VPS11: variants seen among roughly 807,000 people sequenced by gnomAD.
VPS11 encodes vacuolar protein sorting-associated protein 11 homolog.
A neutral mutation model predicts 106.8 loss-of-function variants in VPS11; 51 were observed. That is an observed-to-expected ratio of 0.48 (90% CI 0.38 to 0.60). VPS11 has a LOEUF of 0.60. Among genes scored for constraint, VPS11 ranks in the 20% least tolerant of loss-of-function variants. VPS11 has a pLI of 0.00. For missense variants in VPS11, 950 were observed against 1,190.0 expected, an observed-to-expected ratio of 0.80 and a Z score of 2.97; for synonymous variants, 453 against 458.7, an observed-to-expected ratio of 0.99 and a Z score of 0.16.
chr11:119,076,803 T>C, intron 7 of VPS11, 94 bp from the exon 8 acceptor site: 1 of 1,420,228 alleles, frequency 7.0e-7, no homozygotes, highest in Non-Finnish European at 9.7e-7. Context: ...TGAAATAGAA[T>C]TTGCATTTTG....
chr11:119,071,502 A>G, intron 4 of VPS11, 94 bp from the exon 5 acceptor site: 3 of 1,493,944 alleles, frequency 2.0e-6, no homozygotes, highest in East Asian at 2.3e-5. Context: ...GCCAAGAGGG[A>G]AAAAAGAGCC....
At position 119,078,156 on chromosome 11, in the gene VPS11, C is replaced by T. The variant is rs1945704237; in HGVS notation, c.1762-17C>T. The T allele has an allele frequency of 1.2e-6, 2 of 1,611,952 alleles. No homozygotes were observed. The highest frequency in any genetic ancestry group is 1.1e-5 in the South Asian group (1 of 91,078). ...GCCCACTCATTCAGCCTCCTTTTTC[C>T]TCTCTTGCCATCCTAGGCCAACTCT... On this transcript the variant is annotated splice_polypyrimidine_tract_variant and intron_variant, in intron 10 of 15. Coordinates refer to ENST00000621676, the MANE Select transcript of VPS11 (RefSeq NM_021729.6).
intron 8 of VPS11, 58 bp from the exon 9 acceptor site, chr11:119,077,443 C>A: frequency 1.3e-6 from 2 of 1,572,908 alleles, no homozygotes; most frequent in Admixed American, 1.8e-5. Flanking sequence ...GTGCCTGTTT[C>A]CTCTCCCTTC....
chr11:119,069,909 A>G (rs1945304320), intron 3 of VPS11, among the ~76,000 whole-genome samples: 2 of 152,062 alleles, frequency 1.3e-5, no homozygotes, highest in South Asian at 2.1e-4. Context: ...GCGGCAGGAA[A>G]ATCACTTGAA....
intron 3 of VPS11, among the ~76,000 whole-genome samples, chr11:119,069,927 G>A (rs916501350): frequency 6.6e-6 from 1 of 151,842 alleles, no homozygotes; most frequent in East Asian, 1.9e-4. Flanking sequence ...GAACCTGGGA[G>A]GCGGAGTTTG....
intron 1 of VPS11, 192 bp downstream of exon 1, chr11:119,068,202 G>A: frequency 1.7e-6 from 1 of 578,042 alleles, no homozygotes; most frequent in Non-Finnish European, 2.8e-6. Context: ...AGCAATCCTG[G>A]GCAAGTCATT....
Position 119,076,912 on chromosome 11 carries a change from G to A in VPS11, c.1254G>A (p.Leu418=). The part of the protein sequence containing the change: ...VQQYIRTIGK[L]EPSYVIRKFL... ...GTCTCCCTAGAACCATTGGAAAGTT[G>A]GAGCCATCCTACGTGATCCGCAAGT... Residue 418 remains leucine, a synonymous_variant, in exon 8 of 16, where the codon TTG becomes TTA. Transcript: ENST00000621676. 6.2e-7 allele frequency: 1 copy of A among 1,613,978 alleles called. No homozygotes were observed. Among genetic ancestry groups the A allele is most frequent in the East Asian group, 2.2e-5 (1 of 44,882 alleles).
At chr11:119,069,369 A>G in intron 2 of VPS11, 25 bp downstream of exon 2, 1 of 1,613,912 alleles carries the variant, frequency 6.2e-7, no homozygotes, top group East Asian at 2.2e-5. Flanking sequence ...GGAAATGGGA[A>G]AGATCCAGAA....
At position 119,071,713 on chromosome 11, in the gene VPS11, G is replaced by T. The variant is rs781789767; in HGVS notation, c.754G>T (p.Asp252Tyr). Residue 252 changes from aspartate to tyrosine, a missense_variant, in exon 5 of 16, where the codon GAT becomes TAT. This residue lies in a region of VPS11 where 435 missense variants were observed against 630.2 expected (regional missense o/e 0.69). Transcript: ENST00000621676. ...GGACCTGCAGTTCATTGTGGCCGGG[G>T]ATGAGTGTGTCTACTTGTACCAGCC... Reference protein sequence around the residue: ...SQDLQFIVAGDECVYLYQPDE... With the variant: ...SQDLQFIVAGYECVYLYQPDE... 11 of 1,613,904 alleles carry T rather than the reference G, an allele frequency of 6.8e-6. No individual in the cohort carries two copies. The highest frequency in any genetic ancestry group is 9.3e-6 in the Non-Finnish European group (11 of 1,179,898).
chr11:119,068,443 CCTTTTTTTTTTT>C (rs1945211274), intron 1 of VPS11, among the ~76,000 whole-genome samples: 2 of 35,810 alleles, frequency 5.6e-5, no homozygotes, highest in South Asian at 1.5e-3. Flanking sequence ...GGCCTTTTTA[CCTTTTTTTTTTT>C]TTTTTTTTTT....
intron 6 of VPS11, 197 bp from the exon 7 acceptor site, chr11:119,073,603 G>A: frequency 1.1e-6 from 1 of 870,848 alleles, no homozygotes; most frequent in Non-Finnish European, 1.7e-6. Flanking sequence ...CCCACTCTAA[G>A]GGTTCACTTT....
intron 14 of VPS11, among the ~76,000 whole-genome samples, chr11:119,080,026 A>G (rs1229999374): frequency 2.6e-5 from 4 of 152,306 alleles, no homozygotes; most frequent in South Asian, 4.1e-4. Flanking sequence ...TATGTTGTAG[A>G]AGAGACAGAC....
Position 119,072,657 on chromosome 11 carries a change from T to C in VPS11, c.885-541T>C, listed in dbSNP as rs555629163. On this transcript the variant is annotated intron_variant, in intron 5 of 15. Coordinates refer to ENST00000621676, the MANE Select transcript of VPS11 (RefSeq NM_021729.6). ...TGCCTGCCTCGTCCTCCCAAAGTGC[T>C]GGGATTACAGGCGTGAGCCACTGCG... The C allele has an allele frequency of 1.0e-3, 164 of 156,316 alleles. 2 individuals carry two copies. Among genetic ancestry groups the C allele is most frequent in the South Asian group, 6.0e-3 (31 of 5,204 alleles). The allele number at this position is 156,316 out of a possible 1,614,324, so 9.7% of individuals were successfully genotyped here.
intron 13 of VPS11, 62 bp from the exon 14 acceptor site, chr11:119,079,067 C>G: frequency 1.9e-6 from 3 of 1,612,158 alleles, no homozygotes; most frequent in Non-Finnish European, 2.5e-6. Context: ...GGCCCTTCAC[C>G]TTTATCCAGA....
Position 119,078,350 on chromosome 11 carries a change from G to A in VPS11, c.1923+16G>A. 6.2e-7 allele frequency: 1 copy of A among 1,605,896 alleles called. No individual in the cohort carries two copies. The highest frequency in any genetic ancestry group is 8.5e-7 in the Non-Finnish European group (1 of 1,179,258). On this transcript the variant is annotated intron_variant, in intron 11 of 15. Coordinates refer to ENST00000621676, the MANE Select transcript of VPS11 (RefSeq NM_021729.6). ...GGATCCACAGGTGAGGCCTGGCCAGGGCTTCAGGAGAAAAGACAGTTCGTG... is the reference window on the plus strand; with the variant it reads ...GGATCCACAGGTGAGGCCTGGCCAGAGCTTCAGGAGAAAAGACAGTTCGTG...
In VPS11 at chr11:119,073,788, C is replaced by G. The variant is rs782754315; in HGVS notation, c.1087-12C>G. On this transcript the variant is annotated splice_polypyrimidine_tract_variant and intron_variant, in intron 6 of 15. Coordinates refer to ENST00000621676, the MANE Select transcript of VPS11 (RefSeq NM_021729.6). ...CACTTCTACCAATTTTCTAATCTCT[C>G]TTCCCTTCTAGATGCTGTTTAAGAA... is the stretch of plus-strand genomic sequence containing the variant. 2.5e-6 allele frequency: 4 copies of G among 1,597,154 alleles called. No homozygotes were observed. Among genetic ancestry groups the G allele is most frequent in the East Asian group, 4.5e-5 (2 of 44,358 alleles).
At position 119,077,502 on chromosome 11, in the gene VPS11, A is replaced by C. The variant is rs1300989555; in HGVS notation, c.1427A>C (p.Lys476Thr). The change falls in exon 9 of 16, where the codon AAA (lysine) becomes ACA (threonine). Residue 476 changes from lysine to threonine, a missense_variant and splice_region_variant. Around this residue, in one of 3 missense-constraint regions of VPS11, gnomAD observed 435 missense variants for 630.2 expected, o/e 0.69. Transcript: ENST00000621676. ...TTTTGTCTCATGTCTCCCTGGCAGA[A>C]AAAGAGTGAGAGTGAAGTCCACTTT... ...DSSKLEEFIK[K>T]KSESEVHFDV... 1.9e-6 allele frequency: 3 copies of C among 1,613,378 alleles called. No individual in the cohort carries two copies. The highest frequency in any genetic ancestry group is 2.5e-6 in the Non-Finnish European group (3 of 1,179,544).
At chr11:119,079,556 A>G (rs907139403) in intron 14 of VPS11, among the ~76,000 whole-genome samples, 2 of 152,130 alleles carry the variant, frequency 1.3e-5, no homozygotes, top group African/African-American at 4.8e-5. Flanking sequence ...TTCTAAACAC[A>G]TCCGTATTGT....
Position 119,081,764 on chromosome 11 carries a change from C to A in VPS11, c.*141C>A. 1 of 1,172,534 alleles carries A rather than the reference C, an allele frequency of 8.5e-7. No homozygotes were observed. The highest frequency in any genetic ancestry group is 1.2e-6 in the Non-Finnish European group (1 of 853,378). The allele number at this position is 1,172,534 out of a possible 1,614,324, so 72.6% of individuals were successfully genotyped here. A position where few individuals can be genotyped will look rare whatever the true frequency, so the allele number is the denominator to read the frequency against. On this transcript the variant is annotated 3_prime_UTR_variant, in exon 16 of 16. Transcript: ENST00000621676. ...AATGTCACAGCCCTCAGAACTAAAG[C>A]GGACTTTCTTTCCCTGCCTTCTTAT...
Sources: allele counts gnomAD v4.1 joint callset (sites outside exome capture counted in the v4.1 genomes callset), GRCh38; gene constraint gnomAD v4.1.1; regional missense constraint gnomAD v4.1.1; transcripts MANE v1.5; gene names NCBI Gene and HGNC (gene_info 2026-07-23, HGNC 2026-07-21).